Variants in ACER3 observed in about 807,000 individuals in gnomAD.
ACER3 encodes alkCDase 3.
Under a neutral mutation model 48.9 loss-of-function variants are expected in ACER3, and 16 were observed. The ratio of observed to expected loss-of-function variants is 0.33; its 90% CI spans 0.22 to 0.50. ACER3 has a LOEUF of 0.50. ACER3 is among the 20% of genes least tolerant of loss of function. ACER3 has a pLI of 0.98. For synonymous variants in ACER3, 109 were observed against 107.8 expected, an observed-to-expected ratio of 1.01 and a Z score of -0.07; for missense variants, 227 against 326.0, an observed-to-expected ratio of 0.70 and a Z score of 2.34.
rs34230393 is a variant in ACER3 at position 76,902,048 on chromosome 11, A to AT, written c.104-24499dup. On this transcript the variant is annotated intron_variant, in intron 1 of 10. Coordinates refer to ENST00000532485, the MANE Select transcript of ACER3 (RefSeq NM_018367.7). ...CTTACTAATAAATGTCCCTTGTGGC[A>AT]TTTTTTTTTTCCAGAATAGGGTACT... 3.4e-3 allele frequency among the ~76,000 whole-genome samples: 512 copies of AT among 150,264 alleles called. 2 individuals are homozygous for AT. Among genetic ancestry groups the AT allele is most frequent in the African/African-American group, 7.1e-3 (287 of 40,562 alleles).
In ACER3 at chr11:76,997,246, C is replaced by T. The variant is rs149057306; in HGVS notation, c.439-1517C>T. Among the ~76,000 whole-genome samples the T allele has an allele frequency of 3.9e-5, 6 of 152,172 alleles. No individual in the cohort carries two copies. The East Asian group carries it at 1.2e-3, about 29-fold the overall frequency. ...GCTTCAGGTATAAAATTTTAAACAC[C>T]GTATCCTCCAGAAAGACTTTCTACT... On this transcript the variant is annotated intron_variant, in intron 6 of 10. Coordinates refer to ENST00000532485, the MANE Select transcript of ACER3 (RefSeq NM_018367.7).
rs774669854 is a variant in ACER3 at position 76,985,715 on chromosome 11, A to G, written c.393A>G (p.Ile131Met). ...LLFTLVLFSL[I>M]VTTVYLKVKE... Reference sequence around the variant, plus strand: ...TTACCTTAGTTCTATTCAGTTTAATAGTAACCACAGTAAGTCATATTTTGT... The same window carrying G: ...TTACCTTAGTTCTATTCAGTTTAATGGTAACCACAGTAAGTCATATTTTGT... The change falls in exon 5 of 11, where the codon ATA becomes ATG. Residue 131 changes from isoleucine (I) to methionine (M), a missense_variant. Around this residue, in one of 3 missense-constraint regions of ACER3, gnomAD observed 195 missense variants for 290.8 expected, o/e 0.67. Coordinates refer to ENST00000532485, the MANE Select transcript of ACER3 (RefSeq NM_018367.7). 6.6e-7 allele frequency: 1 copy of G among 1,520,708 alleles called. No homozygotes were observed. The highest frequency in any genetic ancestry group is 1.4e-5 in the African/African-American group (1 of 70,312). 94.2% of individuals were successfully genotyped at this position (1,520,708 alleles called of 1,614,324 possible).
At chr11:76,900,779 A>T (rs1304547962) in intron 1 of ACER3, among the ~76,000 whole-genome samples, 4 of 152,198 alleles carry the variant, frequency 2.6e-5, no homozygotes, top group African/African-American at 9.6e-5. Flanking sequence ...AGAAGCACTC[A>T]TTTCCATCAA....
intron 3 of ACER3, among the ~76,000 whole-genome samples, chr11:76,961,644 C>T (rs1947997733): frequency 2.0e-5 from 3 of 150,082 alleles, no homozygotes; most frequent in African/African-American, 7.4e-5. Context: ...GTCAAAAGGA[C>T]ACTGAAGCCA....
intron 7 of ACER3, among the ~76,000 whole-genome samples, chr11:77,007,993 AC>A (rs1437628012): frequency 6.6e-6 from 1 of 152,250 alleles, no homozygotes; most frequent in Non-Finnish European, 1.5e-5. Context: ...TAATCATTCC[AC>A]ATTGTATACA....
intron 1 of ACER3, among the ~76,000 whole-genome samples, chr11:76,900,272 G>C (rs1328765565): frequency 1.3e-5 from 2 of 152,196 alleles, no homozygotes; most frequent in Non-Finnish European, 2.9e-5. Flanking sequence ...TGAGGAAGAG[G>C]AGGGGCTGGT....
chr11:77,019,678 G>T, intron 9 of ACER3, 53 bp from the exon 10 acceptor site: 1 of 1,566,906 alleles, frequency 6.4e-7, no homozygotes, highest in Non-Finnish European at 8.8e-7. Context: ...ACGCCAGTTT[G>T]CATGAATTCA....
chr11:76,921,565 T>C (rs1203633425), intron 1 of ACER3, among the ~76,000 whole-genome samples: 1 of 152,200 alleles, frequency 6.6e-6, no homozygotes. Flanking sequence ...TTACCTGTTC[T>C]ATTTAACCTT....
chr11:76,994,050 G>A (rs556501705), intron 6 of ACER3: 8 of 411,914 alleles, frequency 1.9e-5, no homozygotes, highest in Non-Finnish European at 3.3e-5. Context: ...GTGCTGAAGC[G>A]TTTACAGAAT....
At chr11:76,940,244 A>G (rs1441248506) in intron 2 of ACER3, among the ~76,000 whole-genome samples, 1 of 152,082 alleles carries the variant, frequency 6.6e-6, no homozygotes, top group Non-Finnish European at 1.5e-5. Context: ...TCAGCCTCCC[A>G]AAGTGCTAGG....
intron 2 of ACER3, among the ~76,000 whole-genome samples, chr11:76,928,722 T>C (rs2036000878): frequency 6.6e-6 from 1 of 152,222 alleles, no homozygotes; most frequent in Non-Finnish European, 1.5e-5. Flanking sequence ...TAAGGAATCC[T>C]TTCCCCATTT....
rs1326598654 is a variant in ACER3, at chr11:76,959,087, G to C, written c.267+56G>C. 6 of 1,611,682 alleles carry C rather than the reference G, an allele frequency of 3.7e-6. No homozygotes were observed. The East Asian group carries it at 6.7e-5, about 18-fold the overall frequency. Reference sequence around the variant, plus strand: ...TTTCTCTTAATTCAGAAGTACTTCAGATTTGAGAAAAGAGCACATAACTAT... The same window carrying C: ...TTTCTCTTAATTCAGAAGTACTTCACATTTGAGAAAAGAGCACATAACTAT... On this transcript the variant is annotated intron_variant, in intron 3 of 10. Coordinates refer to ENST00000532485, the MANE Select transcript of ACER3 (RefSeq NM_018367.7).
At chr11:77,007,816 G>A (rs1949184646) in intron 7 of ACER3, among the ~76,000 whole-genome samples, 1 of 152,182 alleles carries the variant, frequency 6.6e-6, no homozygotes, top group Non-Finnish European at 1.5e-5. Context: ...ATACCCTGAT[G>A]AGCATGGAAG....
intron 1 of ACER3, among the ~76,000 whole-genome samples, chr11:76,883,251 T>G (rs7103308): frequency 0.7 from 107,051 of 151,882 alleles, 38,034 homozygotes; most frequent in Non-Finnish European, 0.74. Context: ...GAATTAGCTA[T>G]TAGGGCCTTA....
At chr11:76,943,615 A>G (rs1947396422) in intron 2 of ACER3, among the ~76,000 whole-genome samples, 1 of 152,040 alleles carries the variant, frequency 6.6e-6, no homozygotes, top group Non-Finnish European at 1.5e-5. Flanking sequence ...TGGTGATGAA[A>G]ATAATATATA....
At chr11:76,934,913 G>C (rs2134881377) in intron 2 of ACER3, among the ~76,000 whole-genome samples, 1 of 152,282 alleles carries the variant, frequency 6.6e-6, no homozygotes, top group Middle Eastern at 3.4e-3. Flanking sequence ...TTGCGTGATA[G>C]AATTTCTTCT....
At chr11:76,912,046 T>C (rs968999111) in intron 1 of ACER3, among the ~76,000 whole-genome samples, 7 of 152,182 alleles carry the variant, frequency 4.6e-5, no homozygotes, top group Non-Finnish European at 1.0e-4. Flanking sequence ...TTGTATAATG[T>C]CTCCCCAAAG....
intron 10 of ACER3, 146 bp downstream of exon 10, chr11:77,019,922 T>TACTG: frequency 1.2e-6 from 1 of 812,596 alleles, no homozygotes; most frequent in Non-Finnish European, 2.0e-6. Context: ...TTTCATTTAC[T>TACTG]ACTGCATGTT....
chr11:76,880,304 A>T (rs537668491), intron 1 of ACER3, among the ~76,000 whole-genome samples: 1 of 152,200 alleles, frequency 6.6e-6, no homozygotes, highest in African/African-American at 2.4e-5. Context: ...TCCTCTTGGC[A>T]CACAAACTGT....
Sources: gnomAD v4.1 joint callset for allele counts (sites outside exome capture counted in the v4.1 genomes callset) on GRCh38, gnomAD v4.1.1 for gene constraint, gnomAD v4.1.1 regional missense constraint, MANE v1.5 for transcripts, NCBI Gene and HGNC (gene_info 2026-07-23, HGNC 2026-07-21) for gene names.